ADGRG2: variants seen among roughly 807,000 people sequenced by gnomAD.
ADGRG2 encodes the protein adhesion G protein-coupled receptor G2, also known as G protein-coupled receptor 64.
A neutral mutation model predicts 74.1 loss-of-function variants in ADGRG2; 26 were observed. That is an observed-to-expected ratio of 0.35 (90% CI 0.26 to 0.49). The LOEUF is 0.49. ADGRG2 is among the 20% of genes least tolerant of loss of function. The pLI is 0.99. For missense variants in ADGRG2, 619 were observed against 763.1 expected (o/e 0.81, Z 2.22); for synonymous variants, 296 against 295.2 (o/e 1.00, Z -0.03).
intron 1 of ADGRG2, among the ~76,000 whole-genome samples, chrX:19,093,938 C>CA (rs201404102): frequency 3.2e-4 from 34 of 107,233 alleles, no homozygotes; most frequent in African/African-American, 1.2e-3. Flanking sequence ...CACACACACA[C>CA]CCCATGGAAT....
chrX:19,009,533 A>T (rs951466516), intron 18 of ADGRG2, 93 bp downstream of exon 18: 2 of 809,546 alleles, frequency 2.5e-6, no homozygotes, highest in Admixed American at 4.5e-5. Context: ...ATCACCCCTG[A>T]CTATAAGCAG....
chrX:19,089,233 T>A (rs192817389), intron 1 of ADGRG2, among the ~76,000 whole-genome samples: 1 of 111,628 alleles, frequency 9.0e-6, no homozygotes, highest in African/African-American at 3.3e-5. Flanking sequence ...AAGAGAAGTT[T>A]CTAGCCCCTC....
At chrX:19,052,546 T>G (rs2061340857) in intron 3 of ADGRG2, among the ~76,000 whole-genome samples, 1 of 108,864 alleles carries the variant, frequency 9.2e-6, no homozygotes, top group African/African-American at 3.3e-5. Flanking sequence ...ATTATTATTT[T>G]TATATTTATT....
At chrX:19,106,959 A>G (rs1454954363) in intron 1 of ADGRG2, among the ~76,000 whole-genome samples, 2 of 110,600 alleles carry the variant, frequency 1.8e-5, no homozygotes, top group African/African-American at 6.6e-5. Context: ...CTGCTGCTTT[A>G]ATGCAGGCTA....
chrX:19,001,960 G>A (rs2060139361), intron 24 of ADGRG2, among the ~76,000 whole-genome samples: 1 of 110,709 alleles, frequency 9.0e-6, no homozygotes, highest in Non-Finnish European at 1.9e-5. Flanking sequence ...TCACTTGTGT[G>A]AAAAACAGGG....
At chrX:19,097,474 G>A (rs2062117544) in intron 1 of ADGRG2, among the ~76,000 whole-genome samples, 1 of 112,561 alleles carries the variant, frequency 8.9e-6, no homozygotes. Context: ...TAGCGCCACT[G>A]CACTTTAGCC....
intron 3 of ADGRG2, among the ~76,000 whole-genome samples, chrX:19,063,275 C>T (rs1288821020): frequency 1.8e-5 from 2 of 111,665 alleles, no homozygotes; most frequent in East Asian, 2.8e-4. Flanking sequence ...CCCAGAGCCC[C>T]GGGTCGGGGG....
intron 1 of ADGRG2, among the ~76,000 whole-genome samples, chrX:19,114,713 G>T (rs1300007551): frequency 9.0e-6 from 1 of 111,444 alleles, no homozygotes; most frequent in Non-Finnish European, 1.9e-5. Flanking sequence ...CCCCTGGGAG[G>T]CAAAAATCAC....
At chrX:19,115,779 C>T (rs1467025417) in intron 1 of ADGRG2, among the ~76,000 whole-genome samples, 1 of 110,631 alleles carries the variant, frequency 9.0e-6, no homozygotes, top group Non-Finnish European at 1.9e-5. Flanking sequence ...CACGGTGAAA[C>T]CCTATCCCTA....
chrX:19,030,508 C>T (rs1470105726), intron 9 of ADGRG2, among the ~76,000 whole-genome samples: 2 of 112,173 alleles, frequency 1.8e-5, no homozygotes, highest in Admixed American at 9.5e-5. Context: ...GAATTAGCAT[C>T]CACTTAAACT....
chrX:19,027,118 G>A, intron 11 of ADGRG2, 101 bp downstream of exon 11: 1 of 630,863 alleles, frequency 1.6e-6, no homozygotes, highest in Non-Finnish European at 2.7e-6. Context: ...CCTTTGGGCT[G>A]GTCTCTTTCC....
At chrX:19,053,979 C>T (rs2061370409) in intron 3 of ADGRG2, among the ~76,000 whole-genome samples, 1 of 111,256 alleles carries the variant, frequency 9.0e-6, no homozygotes, top group Non-Finnish European at 1.9e-5. Flanking sequence ...GAAACCGCTC[C>T]CGTTATTCAA....
intron 3 of ADGRG2, among the ~76,000 whole-genome samples, chrX:19,043,644 C>T (rs2061116771): frequency 9.1e-6 from 1 of 110,332 alleles, no homozygotes; most frequent in South Asian, 3.9e-4. Context: ...CCATATATTC[C>T]AATTAGGATG....
intron 27 of ADGRG2, 88 bp from the exon 28 acceptor site, chrX:18,995,136 CA>C: frequency 3.2e-6 from 2 of 630,277 alleles, no homozygotes; most frequent in Non-Finnish European, 4.8e-6. Context: ...AAGTCCTAAG[CA>C]ACTGATTTCT....
At chrX:19,029,625 A>G (rs2060783234) in intron 9 of ADGRG2, among the ~76,000 whole-genome samples, 1 of 111,178 alleles carries the variant, frequency 9.0e-6, no homozygotes, top group Non-Finnish European at 1.9e-5. Context: ...CGGTCAATTC[A>G]GTCCCTTAAT....
intron 17 of ADGRG2, 121 bp downstream of exon 17, chrX:19,010,492 T>C: frequency 1.7e-6 from 1 of 593,753 alleles, no homozygotes. Context: ...AGTAGCAACC[T>C]GAGAAACCAT....
At chrX:19,054,751 T>C (rs766651905) in intron 3 of ADGRG2, among the ~76,000 whole-genome samples, 6 of 112,427 alleles carry the variant, frequency 5.3e-5, no homozygotes, top group African/African-American at 1.6e-4. Flanking sequence ...ATTCCCTTTC[T>C]TGCATGTTTC....
At chrX:19,071,609 A>G in intron 2 of ADGRG2, among the ~76,000 whole-genome samples, 1 of 111,586 alleles carries the variant, frequency 9.0e-6, no homozygotes, top group East Asian at 2.8e-4. Flanking sequence ...GAGAAGGGTT[A>G]TCCTTGAAAG....
chrX:19,075,559 A>G (rs1602064000), intron 2 of ADGRG2, among the ~76,000 whole-genome samples: 1 of 102,117 alleles, frequency 9.8e-6, no homozygotes, highest in African/African-American at 3.6e-5. Context: ...CAGAGGTTGC[A>G]GTGAGCTGAG....
Sources: allele counts gnomAD v4.1 joint callset (sites outside exome capture counted in the v4.1 genomes callset), GRCh38; gene constraint gnomAD v4.1.1; transcripts MANE v1.5; gene names NCBI Gene and HGNC (gene_info 2026-07-23, HGNC 2026-07-21).